Variants in PTPRD observed in about 807,000 individuals in gnomAD.
PTPRD encodes protein tyrosine phosphatase receptor type D.
In PTPRD, 34 loss-of-function variants were observed where a neutral mutation model predicts 214.5. That is an observed-to-expected ratio of 0.16 (90% CI 0.12 to 0.21). The LOEUF is 0.21. PTPRD is among the 10% of genes least tolerant of loss of function. The pLI, the probability that PTPRD is intolerant of heterozygous loss-of-function variation, is 1.00. For missense variants in PTPRD, 2,545 were observed against 2,398.7 expected (o/e 1.06, Z -1.27); for synonymous variants, 1,128 against 845.7 (o/e 1.33, Z -5.79).
chr9:8,601,657 G>A (rs1313090456), intron 14 of PTPRD, among the ~76,000 whole-genome samples: 1 of 152,130 alleles, frequency 6.6e-6, no homozygotes, highest in Non-Finnish European at 1.5e-5. Flanking sequence ...ACATCTACAA[G>A]TCTCCAAGAA....
chr9:8,407,630 C>A (rs929977388), intron 35 of PTPRD, among the ~76,000 whole-genome samples: 1 of 152,218 alleles, frequency 6.6e-6, no homozygotes, highest in African/African-American at 2.4e-5. Flanking sequence ...GATATTTCTT[C>A]CCAACTTATC....
intron 4 of PTPRD, among the ~76,000 whole-genome samples, chr9:9,987,010 T>C (rs1444450271): frequency 2.0e-5 from 3 of 152,008 alleles, no homozygotes; most frequent in Non-Finnish European, 4.4e-5. Context: ...GATGTGAGAG[T>C]AATTCAGGAA....
intron 10 of PTPRD, among the ~76,000 whole-genome samples, chr9:9,024,518 G>C (rs1462784236): frequency 6.6e-6 from 1 of 151,426 alleles, no homozygotes; most frequent in Non-Finnish European, 1.5e-5. Flanking sequence ...CTCCAAAAAG[G>C]TAATAACATT....
intron 3 of PTPRD, among the ~76,000 whole-genome samples, chr9:10,184,082 A>C (rs916109630): frequency 2.0e-5 from 3 of 152,226 alleles, no homozygotes; most frequent in African/African-American, 7.2e-5. Context: ...TAGGATAGGA[A>C]TAATTCCAAA....
At chr9:9,245,877 T>C (rs1193343990) in intron 9 of PTPRD, among the ~76,000 whole-genome samples, 1 of 152,088 alleles carries the variant, frequency 6.6e-6, no homozygotes, top group African/African-American at 2.4e-5. Flanking sequence ...ATAGATATTA[T>C]AGGTGAAATG....
chr9:9,383,644 T>C lies in PTPRD; in HGVS notation c.-203+13805A>G, dbSNP rs149165106. 9.7e-3 allele frequency among the ~76,000 whole-genome samples: 1,483 copies of C among 152,302 alleles called. 26 individuals carry two copies. The highest frequency in any genetic ancestry group is 0.034 in the African/African-American group (1,403 of 41,592). ...GTCACTTTTTATATCTATGCTTACA[T>C]TTATTTTTATGAAAAGTTATCATAA... On this transcript the variant is annotated intron_variant, in intron 9 of 45. Transcript: ENST00000381196.
intron 12 of PTPRD, among the ~76,000 whole-genome samples, chr9:8,673,441 A>G (rs1186902063): frequency 6.6e-6 from 1 of 152,144 alleles, no homozygotes; most frequent in Admixed American, 6.5e-5. Flanking sequence ...TAAATTATTA[A>G]TAATAACAGT....
intron 2 of PTPRD, among the ~76,000 whole-genome samples, chr9:10,368,459 T>C (rs1370247000): frequency 6.6e-6 from 1 of 152,112 alleles, no homozygotes; most frequent in Non-Finnish European, 1.5e-5. Flanking sequence ...AAATAATACC[T>C]CTCACCCTTC....
At chr9:8,608,440 T>C (rs1012226430) in intron 14 of PTPRD, among the ~76,000 whole-genome samples, 1 of 152,166 alleles carries the variant, frequency 6.6e-6, no homozygotes, top group African/African-American at 2.4e-5. Context: ...AAAGCATCAC[T>C]GTGGTATATT....
intron 2 of PTPRD, among the ~76,000 whole-genome samples, chr9:10,356,951 G>A (rs181392280): frequency 6.6e-6 from 1 of 152,030 alleles, no homozygotes; most frequent in African/African-American, 2.4e-5. Flanking sequence ...AAAGTGCTGG[G>A]ATTACAAGTG....
At chr9:9,060,457 T>C (rs1198553682) in intron 10 of PTPRD, among the ~76,000 whole-genome samples, 1 of 152,024 alleles carries the variant, frequency 6.6e-6, no homozygotes, top group Non-Finnish European at 1.5e-5. Flanking sequence ...ATTTCTGCAA[T>C]AGACACAAAA....
intron 10 of PTPRD, among the ~76,000 whole-genome samples, chr9:9,059,581 A>G (rs572401411): frequency 1.3e-3 from 203 of 152,326 alleles, no homozygotes; most frequent in African/African-American, 4.6e-3. Flanking sequence ...TGCTGAAACC[A>G]TTCCTGGAAG....
intron 39 of PTPRD, among the ~76,000 whole-genome samples, chr9:8,361,295 G>A (rs1345629338): frequency 3.9e-5 from 6 of 152,208 alleles, no homozygotes; most frequent in Admixed American, 3.9e-4. Context: ...CAGTGGTGGA[G>A]GCTTTGATGA....
intron 3 of PTPRD, among the ~76,000 whole-genome samples, chr9:10,205,959 C>T (rs2099473172): frequency 6.6e-6 from 1 of 151,546 alleles, no homozygotes; most frequent in Non-Finnish European, 1.5e-5. Context: ...AGATACAGCC[C>T]TGCTCACAAT....
At chr9:10,198,846 A>G (rs2099408248) in intron 3 of PTPRD, among the ~76,000 whole-genome samples, 1 of 152,012 alleles carries the variant, frequency 6.6e-6, no homozygotes, top group Non-Finnish European at 1.5e-5. Context: ...ATGAGATGAG[A>G]TTTATATTTA....
chr9:8,404,495 T>C (rs979325211), intron 36 of PTPRD, 42 bp downstream of exon 36: 1 of 1,587,022 alleles, frequency 6.3e-7, no homozygotes, highest in South Asian at 1.1e-5. Context: ...CATACTCAAA[T>C]CCATGAAAAT....
intron 3 of PTPRD, among the ~76,000 whole-genome samples, chr9:10,163,349 C>T (rs983617932): frequency 6.6e-6 from 1 of 151,164 alleles, no homozygotes; most frequent in Admixed American, 6.6e-5. Flanking sequence ...ATACTTTTGC[C>T]ATCATTTGAA....
At chr9:8,713,896 A>G (rs1289405039) in intron 12 of PTPRD, 27 of 201,644 alleles carry the variant, frequency 1.3e-4, no homozygotes, top group East Asian at 1.5e-4. Flanking sequence ...GCCCCGGTGG[A>G]AAAAAAAAAA....
At chr9:8,889,227 G>T (rs2098516718) in intron 11 of PTPRD, among the ~76,000 whole-genome samples, 1 of 152,014 alleles carries the variant, frequency 6.6e-6, no homozygotes, top group Non-Finnish European at 1.5e-5. Flanking sequence ...ACTAAAACCA[G>T]AAATACAGAG....
Sources: allele counts gnomAD v4.1 joint callset (sites outside exome capture counted in the v4.1 genomes callset), GRCh38; gene constraint gnomAD v4.1.1; transcripts MANE v1.5; gene names NCBI Gene and HGNC (gene_info 2026-07-23, HGNC 2026-07-21).